Variants in ZDHHC2 observed in about 807,000 individuals in gnomAD.
ZDHHC2 encodes palmitoyltransferase ZDHHC2.
ZDHHC2 carries 51 observed loss-of-function variants against 55.6 expected under a neutral mutation model. The ratio of observed to expected loss-of-function variants is 0.92; its 90% confidence interval spans 0.73 to 1.16. ZDHHC2 has a LOEUF of 1.16. Ranked by LOEUF, ZDHHC2 falls within the 50% of genes most tolerant of loss-of-function variation. The pLI is 0.00. For synonymous variants in ZDHHC2, 199 were observed against 152.9 expected (o/e 1.30, Z -2.22); for missense variants, 491 against 442.4 (o/e 1.11, Z -0.99).
intron 6 of ZDHHC2, among the ~76,000 whole-genome samples, chr8:17,201,616 C>A (rs1355040016): frequency 6.7e-6 from 1 of 149,056 alleles, no homozygotes; most frequent in East Asian, 2.0e-4. Context: ...CCTCAGCCTC[C>A]CAAGTAGCTG....
At position 17,215,284 on chromosome 8, in the gene ZDHHC2, G is replaced by A; in HGVS notation, c.998G>A (p.Ser333Asn). The change falls in exon 11 of 13, where the codon AGC becomes AAC. Residue 333 changes from serine (S) to asparagine (N), a missense_variant. Coordinates refer to ENST00000262096, the MANE Select transcript of ZDHHC2 (RefSeq NM_016353.5). ...GCAAAGCCATTGAGAGAGTCCCAGAGCCACCTTCTTACTGATTCTCAGTCT... is the reference window on the plus strand; with the variant it reads ...GCAAAGCCATTGAGAGAGTCCCAGAACCACCTTCTTACTGATTCTCAGTCT... ...FPAKPLRESQ[S>N]HLLTDSQSWT... is the part of the protein sequence containing the mutation. 6.2e-7 allele frequency: 1 copy of A among 1,602,330 alleles called. No homozygotes were observed. Among genetic ancestry groups the A allele is most frequent in the Non-Finnish European group, 8.5e-7 (1 of 1,174,276 alleles).
At chr8:17,192,736 T>C (rs145593538) in intron 3 of ZDHHC2, among the ~76,000 whole-genome samples, 54 of 152,352 alleles carry the variant, frequency 3.5e-4, no homozygotes, top group African/African-American at 1.2e-3. Context: ...ACGTTTTCTT[T>C]TACTGGTTTC....
At chr8:17,181,596 T>TG (rs1449928584) in intron 1 of ZDHHC2, among the ~76,000 whole-genome samples, 3 of 152,130 alleles carry the variant, frequency 2.0e-5, no homozygotes, top group Admixed American at 1.3e-4. Context: ...GAAGAATAGG[T>TG]ATCAGCATCA....
chr8:17,223,223 G>A lies in ZDHHC2; in HGVS notation c.*3002G>A, dbSNP rs1216385406. On this transcript the variant is annotated 3_prime_UTR_variant, in exon 13 of 13. Transcript: ENST00000262096. ...TATTTACTTATATGGTCAAATACTT[G>A]TTTGTAAAAGTGATGGTTCTGATAC... The A allele has an allele frequency of 6.6e-6, 1 of 151,804 alleles. No individual in the cohort carries two copies. The highest frequency in any genetic ancestry group is 1.5e-5 in the Non-Finnish European group (1 of 67,802). 9.4% of individuals were successfully genotyped at this position (151,804 alleles called of 1,614,324 possible).
At chr8:17,199,648 T>C (rs1806629736) in intron 6 of ZDHHC2, among the ~76,000 whole-genome samples, 1 of 100,614 alleles carries the variant, frequency 9.9e-6, no homozygotes, top group Non-Finnish European at 2.7e-5. Context: ...CTCCTCCTCC[T>C]CCTCCCTCCT....
intron 1 of ZDHHC2, among the ~76,000 whole-genome samples, chr8:17,184,347 T>C (rs2517085): frequency 0.97 from 147,530 of 152,324 alleles, 71,473 homozygotes; most frequent in East Asian, 1. Context: ...GGAAAAAAAG[T>C]GTGTGCTGTG....
At chr8:17,188,827 T>G (rs942158642) in intron 3 of ZDHHC2, among the ~76,000 whole-genome samples, 1 of 152,232 alleles carries the variant, frequency 6.6e-6, no homozygotes, top group South Asian at 2.1e-4. Context: ...TCTCATTTAA[T>G]TCCCCAGTTC....
chr8:17,181,079 A>C (rs534413576), intron 1 of ZDHHC2, among the ~76,000 whole-genome samples: 11 of 152,298 alleles, frequency 7.2e-5, no homozygotes, highest in Non-Finnish European at 1.5e-4. Context: ...TTCAACTATC[A>C]GTTGAGTGCT....
intron 1 of ZDHHC2, among the ~76,000 whole-genome samples, chr8:17,163,049 T>A (rs1356835993): frequency 6.6e-6 from 1 of 152,214 alleles, no homozygotes; most frequent in African/African-American, 2.4e-5. Flanking sequence ...CTCGGGCCAC[T>A]TTTACTCTGT....
intron 1 of ZDHHC2, among the ~76,000 whole-genome samples, chr8:17,158,769 A>G (rs912827970): frequency 1.3e-5 from 2 of 152,180 alleles, no homozygotes; most frequent in East Asian, 1.9e-4. Flanking sequence ...TACCTTATCT[A>G]TCACTTCTTG....
chr8:17,172,503 AT>A (rs1804908716), intron 1 of ZDHHC2, among the ~76,000 whole-genome samples: 1 of 152,188 alleles, frequency 6.6e-6, no homozygotes, highest in African/African-American at 2.4e-5. Flanking sequence ...AGTTCTAGAG[AT>A]CGGCTCTACA....
Position 17,222,312 on chromosome 8 carries a change from A to G in ZDHHC2, c.*2091A>G, listed in dbSNP as rs930366577. ...AGTTATAATCTTTGGAGATGATTGC[A>G]TATCTCATTAGATATGCAATATAAA... On this transcript the variant is annotated 3_prime_UTR_variant, in exon 13 of 13. Coordinates refer to ENST00000262096, the MANE Select transcript of ZDHHC2 (RefSeq NM_016353.5). The G allele has an allele frequency of 5.3e-5, 8 of 151,824 alleles. No homozygotes were observed. The highest frequency in any genetic ancestry group is 1.0e-4 in the Non-Finnish European group (7 of 67,774). 9.4% of individuals were successfully genotyped at this position (151,824 alleles called of 1,614,324 possible).
chr8:17,162,336 G>A (rs1250611077), intron 1 of ZDHHC2, among the ~76,000 whole-genome samples: 1 of 152,208 alleles, frequency 6.6e-6, no homozygotes, highest in Non-Finnish European at 1.5e-5. Flanking sequence ...GCAAATAAGT[G>A]AGAGGACAGG....
intron 6 of ZDHHC2, among the ~76,000 whole-genome samples, chr8:17,199,558 CG>C (rs1806575285): frequency 1.2e-5 from 1 of 80,100 alleles, no homozygotes; most frequent in Non-Finnish European, 3.3e-5. Context: ...TCTTCGTCTT[CG>C]TCTTCTTCGT....
At chr8:17,195,419 A>G (rs1744416798) in intron 3 of ZDHHC2, 85 bp from the exon 4 acceptor site, 1 of 1,430,696 alleles carries the variant, frequency 7.0e-7, no homozygotes, top group Non-Finnish European at 9.5e-7. Flanking sequence ...TATTTTATAA[A>G]TACCCTTTTC....
intron 12 of ZDHHC2, 78 bp downstream of exon 12, chr8:17,217,324 A>G (rs1807697186): frequency 9.6e-7 from 1 of 1,039,732 alleles, no homozygotes; most frequent in Admixed American, 2.7e-5. Flanking sequence ...TTCCATAAAC[A>G]TTTTTAATAA....
At chr8:17,199,573 T>TC (rs1563161456) in intron 6 of ZDHHC2, among the ~76,000 whole-genome samples, 1 of 106,498 alleles carries the variant, frequency 9.4e-6, no homozygotes, top group African/African-American at 3.8e-5. Flanking sequence ...TCTTCGTCTT[T>TC]GTCTTCTTCT....
At chr8:17,168,047 T>A (rs1804689134) in intron 1 of ZDHHC2, among the ~76,000 whole-genome samples, 1 of 152,210 alleles carries the variant, frequency 6.6e-6, no homozygotes, top group South Asian at 2.1e-4. Context: ...TCTTAGAGTA[T>A]ACTGAATATA....
intron 10 of ZDHHC2, among the ~76,000 whole-genome samples, chr8:17,211,836 C>T (rs1211324036): frequency 1.3e-5 from 2 of 152,030 alleles, no homozygotes; most frequent in African/African-American, 2.4e-5. Context: ...GAAAATCCCA[C>T]AGAGCTAAAT....
Sources: allele counts gnomAD v4.1 joint callset (sites outside exome capture counted in the v4.1 genomes callset), GRCh38; gene constraint gnomAD v4.1.1; transcripts MANE v1.5; gene names NCBI Gene and HGNC (gene_info 2026-07-23, HGNC 2026-07-21).